Variants in PDILT observed in about 807,000 individuals in gnomAD.
PDILT encodes the protein protein disulfide isomerase like, testis expressed.
In PDILT, 43 loss-of-function variants were observed where a neutral mutation model predicts 53.7. That is an observed-to-expected ratio of 0.80 (90% CI 0.63 to 1.03). The LOEUF (loss-of-function observed/expected upper bound fraction) is 1.03. Among genes scored for constraint, PDILT ranks in the 50% least tolerant of loss-of-function variants. The pLI is 0.00. For synonymous variants in PDILT, 282 were observed against 274.2 expected (o/e 1.03, Z -0.28); for missense variants, 727 against 712.3 (o/e 1.02, Z -0.24).
intron 1 of PDILT, 44 bp from the exon 2 acceptor site, chr16:20,399,351 G>C (rs770402687): frequency 1.9e-6 from 3 of 1,592,936 alleles, no homozygotes; most frequent in African/African-American, 1.3e-5. Flanking sequence ...CAACACAGGT[G>C]GTGGAGCCCC....
intron 10 of PDILT, among the ~76,000 whole-genome samples, chr16:20,361,190 C>CTAT (rs1555488871): frequency 1.3e-5 from 1 of 76,780 alleles, no homozygotes; most frequent in African/African-American, 4.9e-5. Flanking sequence ...TCCCTTTCCT[C>CTAT]TTTTTTTTTT....
In PDILT at chr16:20,381,585, G is replaced by A. The variant is rs188376698; in HGVS notation, c.409+3060C>T. On this transcript the variant is annotated intron_variant, in intron 3 of 11. Transcript: ENST00000302451. ...CGGGAGGCGGAGGTTGCAGTGAGCC[G>A]AGATCGCACCACTGCACTCCAGCCT... 3.6e-3 allele frequency among the ~76,000 whole-genome samples: 519 copies of A among 145,684 alleles called. 3 individuals carry two copies. Among genetic ancestry groups the A allele is most frequent in the African/African-American group, 0.012 (487 of 39,010 alleles).
intron 7 of PDILT, among the ~76,000 whole-genome samples, chr16:20,371,927 G>C (rs1437140157): frequency 6.6e-6 from 1 of 151,948 alleles, no homozygotes; most frequent in East Asian, 1.9e-4. Context: ...AATGTAGCAT[G>C]ACCATTACTT....
chr16:20,395,289 G>T (rs914997660), intron 2 of PDILT, among the ~76,000 whole-genome samples: 7 of 152,176 alleles, frequency 4.6e-5, no homozygotes, highest in South Asian at 2.1e-4. Context: ...CTAAGTTCTA[G>T]CCAATAAGAT....
chr16:20,390,934 A>G (rs1232751271), intron 2 of PDILT: 1 of 152,242 alleles, frequency 6.6e-6, no homozygotes, highest in African/African-American at 2.4e-5. Flanking sequence ...GGCCTTTGTT[A>G]TCATCACCAT....
At chr16:20,366,410 C>T (rs977105360) in intron 8 of PDILT, among the ~76,000 whole-genome samples, 3 of 152,146 alleles carry the variant, frequency 2.0e-5, no homozygotes, top group African/African-American at 7.2e-5. Context: ...CTTGACCCTC[C>T]CCGCATCTAG....
rs1367242468 is a variant in PDILT at position 20,384,819 on chromosome 16, C to T, written c.235G>A (p.Ala79Thr). Residue 79 changes from alanine to threonine, a missense_variant, in exon 3 of 12, where the codon GCG becomes ACG. Ala to Thr is a moderately conservative substitution (Grantham distance 58, BLOSUM62 0). Coordinates refer to ENST00000302451, the MANE Select transcript of PDILT (RefSeq NM_174924.2). Reference protein sequence around the residue: ...NPSSKQSRNLAEELGKAVEIM... With the variant: ...NPSSKQSRNLTEELGKAVEIM... ...TCCACAGCTTTGCCCAGCTCTTCCG[C>T]CAAGTTCCTGGATTGCTTTGAGGAT... 3 of 1,614,044 alleles carry T rather than the reference C, an allele frequency of 1.9e-6. No homozygotes were observed. The highest frequency in any genetic ancestry group is 2.5e-6 in the Non-Finnish European group (3 of 1,180,038).
chr16:20,370,956 G>T, intron 7 of PDILT, among the ~76,000 whole-genome samples: 1 of 152,216 alleles, frequency 6.6e-6, no homozygotes, highest in Non-Finnish European at 1.5e-5. Flanking sequence ...ATATAATCAA[G>T]AAATAACTAT....
At chr16:20,376,041 C>A (rs757811187) in intron 4 of PDILT, 27 bp downstream of exon 4, 1 of 1,613,162 alleles carries the variant, frequency 6.2e-7, no homozygotes, top group Admixed American at 1.7e-5. Context: ...CAGTTGAAAG[C>A]CTCCTCCCAC....
chr16:20,360,382 C>T (rs1596574973), intron 11 of PDILT, among the ~76,000 whole-genome samples, 186 bp downstream of exon 11: 1 of 152,162 alleles, frequency 6.6e-6, no homozygotes, highest in African/African-American at 2.4e-5. Flanking sequence ...GCCATTTCTG[C>T]TTCCCATAGT....
intron 5 of PDILT, 42 bp from the exon 6 acceptor site, chr16:20,373,164 A>G (rs1453106183): frequency 2.0e-6 from 3 of 1,469,386 alleles, no homozygotes; most frequent in East Asian, 2.3e-5. Flanking sequence ...AGTAGCTTTC[A>G]TGATATAGCC....
chr16:20,374,600 C>T (rs866176773), intron 5 of PDILT, among the ~76,000 whole-genome samples: 10 of 152,088 alleles, frequency 6.6e-5, no homozygotes, highest in Non-Finnish European at 1.3e-4. Context: ...AGGATTGAGC[C>T]TTGATGAACT....
At chr16:20,362,844 C>T (rs868487587) in intron 9 of PDILT, among the ~76,000 whole-genome samples, 10 of 151,958 alleles carry the variant, frequency 6.6e-5, no homozygotes, top group South Asian at 4.2e-4. Context: ...GAGGCTGAGG[C>T]GGGTGGATCA....
At chr16:20,386,398 T>C (rs1441305365) in intron 2 of PDILT, among the ~76,000 whole-genome samples, 1 of 152,136 alleles carries the variant, frequency 6.6e-6, no homozygotes, top group African/African-American at 2.4e-5. Flanking sequence ...ATTTTATCTT[T>C]TTCACTGCCG....
intron 7 of PDILT, among the ~76,000 whole-genome samples, chr16:20,371,088 C>T (rs746872972): frequency 5.9e-5 from 9 of 152,118 alleles, no homozygotes; most frequent in Non-Finnish European, 8.8e-5. Flanking sequence ...CTTTCTTACA[C>T]GAGATCCAAG....
intron 3 of PDILT, among the ~76,000 whole-genome samples, chr16:20,377,627 T>C (rs1966405554): frequency 6.6e-6 from 1 of 152,176 alleles, no homozygotes; most frequent in South Asian, 2.1e-4. Context: ...CAAGGAGGAC[T>C]TCCTGGAGGA....
In PDILT at chr16:20,399,216, A is replaced by C. The variant is rs774063593; in HGVS notation, c.85T>G (p.Ser29Ala). ...ACAGGCTTGGTTATGTGGATGCTGG[A>C]AACACCGGCGTTAACCTCTGGTGAG... Reference protein sequence around the residue: ...HSSPEVNAGVSSIHITKPVHI... With the variant: ...HSSPEVNAGVASIHITKPVHI... The change falls in exon 2 of 12, where the codon TCC becomes GCC. Residue 29 changes from serine (S) to alanine (A), a missense_variant. Physicochemically the swap from Ser to Ala is moderately conservative, Grantham distance 99 (BLOSUM62 1). Coordinates refer to ENST00000302451, the MANE Select transcript of PDILT (RefSeq NM_174924.2). The C allele has an allele frequency of 8.5e-5, 137 of 1,614,044 alleles. No individual in the cohort carries two copies. The Admixed American group carries it at 2.2e-3, about 26-fold the overall frequency.
At chr16:20,380,293 T>C (rs182309175) in intron 3 of PDILT, among the ~76,000 whole-genome samples, 15 of 152,332 alleles carry the variant, frequency 9.8e-5, no homozygotes, top group African/African-American at 3.6e-4. Flanking sequence ...CCAATCACTC[T>C]CTGTCTTATG....
At chr16:20,359,708 G>T in intron 11 of PDILT, 141 bp from the exon 12 acceptor site, 2 of 850,094 alleles carry the variant, frequency 2.4e-6, no homozygotes, top group African/African-American at 1.7e-5. Context: ...ATCAGTCTTT[G>T]GACTGCAGGG....
Sources: gnomAD v4.1 joint callset for allele counts (sites outside exome capture counted in the v4.1 genomes callset) on GRCh38, gnomAD v4.1.1 for gene constraint, MANE v1.5 for transcripts, NCBI Gene and HGNC (gene_info 2026-07-23, HGNC 2026-07-21) for gene names.